Variants in GRM8 observed in about 807,000 individuals in gnomAD.
GRM8 encodes metabotropic glutamate receptor 8.
In GRM8, 47 loss-of-function variants were observed where a neutral mutation model predicts 87.2. The ratio of observed to expected loss-of-function variants is 0.54; its 90% CI spans 0.43 to 0.69. The LOEUF (loss-of-function observed/expected upper bound fraction) is 0.69. Ranked by LOEUF, GRM8 falls within the 30% of genes least tolerant of loss-of-function variation. The pLI, the probability that GRM8 is intolerant of heterozygous loss-of-function variation, is 0.00. For synonymous variants in GRM8, 396 were observed against 404.5 expected (o/e 0.98, Z 0.25); for missense variants, 1,019 against 1,139.2 (o/e 0.89, Z 1.52).
intron 3 of GRM8, among the ~76,000 whole-genome samples, chr7:126,909,489 A>G (rs377301206): frequency 2.0e-5 from 3 of 152,308 alleles, no homozygotes; most frequent in East Asian, 3.9e-4. Flanking sequence ...ATTGTGTACA[A>G]TTTAAGGGAC....
rs187699388 is a variant in GRM8, at chr7:126,806,203, G to A, written c.1157-36138C>T. Reference sequence around the variant, plus strand: ...TTCCTTCCGGTGGGTTCGTGGTCTCGCTGACTTCAGGAGTGAAGCTGCAGA... The same window carrying A: ...TTCCTTCCGGTGGGTTCGTGGTCTCACTGACTTCAGGAGTGAAGCTGCAGA... On this transcript the variant is annotated intron_variant, in intron 6 of 10. Coordinates refer to ENST00000339582, the MANE Select transcript of GRM8 (RefSeq NM_000845.3). 7.2e-5 allele frequency among the ~76,000 whole-genome samples: 11 copies of A among 152,272 alleles called. No individual in the cohort carries two copies. The East Asian group carries it at 1.9e-3, about 27-fold the overall frequency.
chr7:126,683,074 A>T (rs1436557536), intron 7 of GRM8, among the ~76,000 whole-genome samples: 1 of 152,160 alleles, frequency 6.6e-6, no homozygotes. Flanking sequence ...AAACAAAAAA[A>T]AGTGTGTGAC....
chr7:126,843,504 A>G (rs1311087879), intron 6 of GRM8, among the ~76,000 whole-genome samples: 2 of 152,240 alleles, frequency 1.3e-5, no homozygotes, highest in Non-Finnish European at 2.9e-5. Context: ...GGGTCTTCAT[A>G]GCATCCTGCA....
At chr7:126,553,007 T>C (rs948089640) in intron 8 of GRM8, among the ~76,000 whole-genome samples, 1 of 152,158 alleles carries the variant, frequency 6.6e-6, no homozygotes, top group African/African-American at 2.4e-5. Flanking sequence ...TGAATCCATA[T>C]AAAGAACCTA....
intron 6 of GRM8, among the ~76,000 whole-genome samples, chr7:126,791,846 G>A (rs1821370535): frequency 6.6e-6 from 1 of 152,100 alleles, no homozygotes; most frequent in African/African-American, 2.4e-5. Context: ...TGTACTTGCA[G>A]TGAAACAGGT....
At chr7:127,123,927 C>T (rs770098035) in intron 2 of GRM8, among the ~76,000 whole-genome samples, 25 of 152,062 alleles carry the variant, frequency 1.6e-4, no homozygotes, top group Admixed American at 1.1e-3. Context: ...GTCACCTTTG[C>T]TATCTAAAGT....
chr7:126,947,900 A>T (rs1005275802), intron 3 of GRM8, among the ~76,000 whole-genome samples: 4 of 152,210 alleles, frequency 2.6e-5, no homozygotes, highest in Admixed American at 6.5e-5. Flanking sequence ...GTTAGAGGAA[A>T]TGGTCAAGAT....
intron 3 of GRM8, among the ~76,000 whole-genome samples, chr7:126,938,940 A>C (rs542622676): frequency 6.6e-6 from 1 of 152,062 alleles, no homozygotes; most frequent in Non-Finnish European, 1.5e-5. Context: ...ACTTACCTAG[A>C]CTCTCTAAGC....
intron 7 of GRM8, among the ~76,000 whole-genome samples, chr7:126,648,429 G>A (rs935264799): frequency 6.6e-6 from 1 of 152,158 alleles, no homozygotes; most frequent in African/African-American, 2.4e-5. Flanking sequence ...CAGGTACACA[G>A]AGTTGCTGTT....
intron 9 of GRM8, among the ~76,000 whole-genome samples, chr7:126,504,942 A>T (rs1433049865): frequency 6.6e-6 from 1 of 152,080 alleles, no homozygotes; most frequent in Non-Finnish European, 1.5e-5. Context: ...TCACAAGTTA[A>T]CAAGCATGAA....
intron 9 of GRM8, among the ~76,000 whole-genome samples, chr7:126,527,732 C>A (rs143036140): frequency 6.6e-6 from 1 of 152,156 alleles, no homozygotes; most frequent in African/African-American, 2.4e-5. Flanking sequence ...TCAGCAACTG[C>A]TCTCTGATGA....
At chr7:126,846,584 T>A (rs777850113) in intron 6 of GRM8, among the ~76,000 whole-genome samples, 1 of 152,220 alleles carries the variant, frequency 6.6e-6, no homozygotes, top group Non-Finnish European at 1.5e-5. Context: ...GAATAATATG[T>A]CCCATTTGTA....
chr7:127,205,950 T>A (rs1299378116), intron 2 of GRM8, among the ~76,000 whole-genome samples: 1 of 152,040 alleles, frequency 6.6e-6, no homozygotes, highest in Non-Finnish European at 1.5e-5. Context: ...TACAACCACA[T>A]CCCCATAGGG....
At chr7:127,203,212 G>T (rs1171807762) in intron 2 of GRM8, among the ~76,000 whole-genome samples, 1 of 152,172 alleles carries the variant, frequency 6.6e-6, no homozygotes, top group Non-Finnish European at 1.5e-5. Context: ...GAAACCAAGT[G>T]ATTAAATTTG....
At chr7:126,616,802 T>C (rs1799548062) in intron 7 of GRM8, among the ~76,000 whole-genome samples, 1 of 152,030 alleles carries the variant, frequency 6.6e-6, no homozygotes, top group Non-Finnish European at 1.5e-5. Context: ...CCTCGACACA[T>C]ACACCCTCCC....
chr7:127,177,177 T>A (rs1289368781), intron 2 of GRM8, among the ~76,000 whole-genome samples: 1 of 151,812 alleles, frequency 6.6e-6, no homozygotes, highest in Non-Finnish European at 1.5e-5. Flanking sequence ...ACAGTGGGAG[T>A]GAGACCTTCA....
At chr7:126,929,184 A>G (rs1805472022) in intron 3 of GRM8, among the ~76,000 whole-genome samples, 1 of 152,250 alleles carries the variant, frequency 6.6e-6, no homozygotes, top group Admixed American at 6.5e-5. Context: ...TAATTCTATA[A>G]GCATAAAAAA....
chr7:126,886,605 T>C (rs924318243), intron 6 of GRM8, among the ~76,000 whole-genome samples: 6 of 152,046 alleles, frequency 3.9e-5, no homozygotes, highest in South Asian at 4.1e-4. Context: ...GCTACATAAA[T>C]CCATTAATGC....
chr7:126,810,844 A>G (rs1357268386), intron 6 of GRM8, among the ~76,000 whole-genome samples: 1 of 152,136 alleles, frequency 6.6e-6, no homozygotes, highest in Non-Finnish European at 1.5e-5. Flanking sequence ...GAGGTTATCA[A>G]ACAGGATATG....
Sources: gnomAD v4.1 joint callset for allele counts (sites outside exome capture counted in the v4.1 genomes callset) on GRCh38, gnomAD v4.1.1 for gene constraint, MANE v1.5 for transcripts, NCBI Gene and HGNC (gene_info 2026-07-23, HGNC 2026-07-21) for gene names.